Variants in GASK1B observed in about 807,000 individuals in gnomAD.
The protein encoded by GASK1B is Golgi-associated kinase 1B.
Under a neutral mutation model 42.8 loss-of-function variants are expected in GASK1B, and 34 were observed. The ratio of observed to expected loss-of-function variants is 0.79; its 90% confidence interval spans 0.60 to 1.06. The LOEUF (loss-of-function observed/expected upper bound fraction) is 1.06, where lower values mean the gene tolerates loss of function less well. Among genes scored for constraint, GASK1B ranks in the 50% least tolerant of loss-of-function variants. GASK1B has a pLI of 0.00. For missense variants in GASK1B, 686 were observed against 661.0 expected, an observed-to-expected ratio of 1.04 and a Z score of -0.42; for synonymous variants, 262 against 259.1, an observed-to-expected ratio of 1.01 and a Z score of -0.11.
At chr4:158,161,425 T>C (rs1732000033) in intron 2 of GASK1B, among the ~76,000 whole-genome samples, 1 of 152,198 alleles carries the variant, frequency 6.6e-6, no homozygotes, top group South Asian at 2.1e-4. Context: ...TAAAATAATC[T>C]CCATACTTCC....
At chr4:158,150,651 C>T (rs1731522340) in intron 3 of GASK1B, among the ~76,000 whole-genome samples, 1 of 152,170 alleles carries the variant, frequency 6.6e-6, no homozygotes, top group Admixed American at 6.5e-5. Flanking sequence ...CTTCTCTGAG[C>T]TTCAGTCCTA....
chr4:158,143,212 A>G (rs1482394989), intron 3 of GASK1B, among the ~76,000 whole-genome samples: 2 of 152,196 alleles, frequency 1.3e-5, no homozygotes, highest in South Asian at 2.1e-4. Flanking sequence ...GTAGACAGAG[A>G]TAGAGATTTA....
intron 2 of GASK1B, among the ~76,000 whole-genome samples, chr4:158,163,881 C>G (rs1230568900): frequency 6.6e-6 from 1 of 152,160 alleles, no homozygotes; most frequent in African/African-American, 2.4e-5. Flanking sequence ...GGGGCAGTGC[C>G]TCACACATAA....
At position 158,170,817 on chromosome 4, in the gene GASK1B, C is replaced by G. The variant is rs763329946; in HGVS notation, c.559G>C (p.Gly187Arg). The G allele has an allele frequency of 2.5e-6, 4 of 1,614,062 alleles. No homozygotes were observed. In the African/African-American group the frequency reaches 5.3e-5, roughly 22 times the overall value. Reference protein sequence around the residue: ...ERPWRLVRGPGVRAGGPDFLQ... With the variant: ...ERPWRLVRGPRVRAGGPDFLQ... ...AAGTCTGGGCCCCCGGCTCGCACTC[C>G]CGGACCCCGCACCAACCTCCAGGGT... Residue 187 changes from glycine to arginine, a missense_variant, in exon 2 of 5, where the codon GGA (glycine) becomes CGA (arginine). Gly to Arg is a moderately radical substitution (Grantham distance 125, BLOSUM62 -2). Transcript: ENST00000585682.
At chr4:158,159,435 G>T (rs1268783710) in intron 2 of GASK1B, 1 of 387,882 alleles carries the variant, frequency 2.6e-6, no homozygotes, top group East Asian at 7.4e-5. Context: ...GCTTTTGAAA[G>T]AATTAAATGA....
intron 2 of GASK1B, among the ~76,000 whole-genome samples, chr4:158,156,723 G>A (rs1731774019): frequency 6.6e-6 from 1 of 152,028 alleles, no homozygotes; most frequent in African/African-American, 2.4e-5. Context: ...ACAAAGAGAT[G>A]GTGTGGAGCA....
intron 4 of GASK1B, 105 bp downstream of exon 4, chr4:158,130,681 T>A (rs2110926225): frequency 1.1e-6 from 1 of 882,028 alleles, no homozygotes; most frequent in East Asian, 2.6e-5. Context: ...TTCACAATTA[T>A]TTTCAAGGGT....
At chr4:158,136,767 C>T (rs1319716542) in intron 3 of GASK1B, among the ~76,000 whole-genome samples, 4 of 152,100 alleles carry the variant, frequency 2.6e-5, no homozygotes. Context: ...TTGTTTTTAG[C>T]ATTTAAAAAC....
chr4:158,168,165 T>G (rs1464733142), intron 2 of GASK1B, among the ~76,000 whole-genome samples: 2 of 152,184 alleles, frequency 1.3e-5, no homozygotes, highest in African/African-American at 4.8e-5. Context: ...AGATATAATC[T>G]TAGGGATTTT....
At chr4:158,132,117 TAGTA>T (rs1730707681) in intron 3 of GASK1B, among the ~76,000 whole-genome samples, 1 of 152,180 alleles carries the variant, frequency 6.6e-6, no homozygotes. Flanking sequence ...GGTAGAATAT[TAGTA>T]AGTAAGTAGC....
chr4:158,128,116 T>C (rs888884455), intron 4 of GASK1B, among the ~76,000 whole-genome samples: 4 of 152,156 alleles, frequency 2.6e-5, no homozygotes, highest in Non-Finnish European at 5.9e-5. Flanking sequence ...AAAAAATGTG[T>C]GTACTAAAAT....
intron 2 of GASK1B, among the ~76,000 whole-genome samples, chr4:158,161,381 C>A (rs1731997161): frequency 6.6e-6 from 1 of 151,996 alleles, no homozygotes; most frequent in Non-Finnish European, 1.5e-5. Flanking sequence ...CTGTTTTTCA[C>A]TTCATAGTTT....
chr4:158,171,115 A>G lies in GASK1B; in HGVS notation c.261T>C (p.Asp87=). 2 of 1,609,398 alleles carry G rather than the reference A, an allele frequency of 1.2e-6. No homozygotes were observed. The highest frequency in any genetic ancestry group is 1.7e-6 in the Non-Finnish European group (2 of 1,176,524). Residue 87 remains aspartate (D), a synonymous_variant, in exon 2 of 5, where the codon GAT becomes GAC. Transcript: ENST00000585682. ...AEPSFPEIPL[D]GTLAPPESQG... ...GGGACTCTGGAGGGGCCAGGGTACC[A>G]TCCAGGGGTATCTCAGGGAAGGATG...
intron 3 of GASK1B, among the ~76,000 whole-genome samples, chr4:158,133,942 A>C (rs1229042279): frequency 6.6e-6 from 1 of 152,170 alleles, no homozygotes; most frequent in Non-Finnish European, 1.5e-5. Context: ...CTGTGTGTAC[A>C]CCTGCAGATG....
Position 158,141,597 on chromosome 4 carries a change from C to CATTTTTTTTTTTTTTTTTTTTTTTTTTTT in GASK1B, c.1126-10586_1126-10585insAAAAAAAAAAAAAAAAAAAAAAAAAAAAT, listed in dbSNP as rs1553958620. Among the ~76,000 whole-genome samples, 10 of 113,694 alleles carry CATTTTTTTTTTTTTTTTTTTTTTTTTTTT rather than the reference C, an allele frequency of 8.8e-5. 5 individuals are homozygous for CATTTTTTTTTTTTTTTTTTTTTTTTTTTT. 74.6% of individuals were successfully genotyped at this position (113,694 alleles called of 152,430 possible). A position where few individuals can be genotyped will look rare whatever the true frequency, so the allele number is the denominator to read the frequency against. On this transcript the variant is annotated intron_variant, in intron 3 of 4. Transcript: ENST00000585682. ...CATAGGTCAGTGCCTTTGTATTTAC[C>CATTTTTTTTTTTTTTTTTTTTTTTTTTTT]TTTTTTTTTTTTTTTTTTTTTTTTT... is the stretch of plus-strand genomic sequence containing the variant.
At chr4:158,145,185 TA>T (rs1377940397) in intron 3 of GASK1B, among the ~76,000 whole-genome samples, 2 of 152,262 alleles carry the variant, frequency 1.3e-5, no homozygotes, top group Non-Finnish European at 2.9e-5. Context: ...TTGGAATTTT[TA>T]TTCTTACTTT....
intron 3 of GASK1B, among the ~76,000 whole-genome samples, chr4:158,139,500 T>C (rs1339297201): frequency 6.6e-6 from 1 of 152,186 alleles, no homozygotes; most frequent in African/African-American, 2.4e-5. Context: ...CTAGATCTTA[T>C]ATAGACAAAA....
rs534209205 is a variant in GASK1B at position 158,145,626 on chromosome 4, C to T, written c.1125+9985G>A. Reference sequence around the variant, plus strand: ...ACATGTCACATTTTCTGTCTACACTCTCAAAATTTCTTTCTATAAAATATT... The same window carrying T: ...ACATGTCACATTTTCTGTCTACACTTTCAAAATTTCTTTCTATAAAATATT... On this transcript the variant is annotated intron_variant, in intron 3 of 4. Coordinates refer to ENST00000585682, the MANE Select transcript of GASK1B (RefSeq NM_001128424.2). Among the ~76,000 whole-genome samples, 20 of 152,272 alleles carry T rather than the reference C, an allele frequency of 1.3e-4. 3 individuals carry two copies. In the South Asian group the frequency reaches 3.7e-3, roughly 28 times the overall value.
At chr4:158,149,215 T>C (rs184614433) in intron 3 of GASK1B, among the ~76,000 whole-genome samples, 250 of 152,340 alleles carry the variant, frequency 1.6e-3, no homozygotes, top group Middle Eastern at 3.4e-3. Context: ...TTATATTATG[T>C]CATCCAGCAA....
Sources: gnomAD v4.1 joint callset for allele counts (sites outside exome capture counted in the v4.1 genomes callset) on GRCh38, gnomAD v4.1.1 for gene constraint, MANE v1.5 for transcripts, NCBI Gene and HGNC (gene_info 2026-07-23, HGNC 2026-07-21) for gene names.